CCDC192: variants seen among roughly 807,000 people sequenced by gnomAD.
CCDC192 encodes coiled-coil domain containing 192.
chr5:127,774,605 G>T (rs1374695406), intron 3 of CCDC192, among the ~76,000 whole-genome samples: 1 of 152,092 alleles, frequency 6.6e-6, no homozygotes, highest in Non-Finnish European at 1.5e-5. Context: ...CTATTTCAGT[G>T]GTCTATGTGT....
chr5:127,719,829 A>AGCG (rs375798829), intron 2 of CCDC192, among the ~76,000 whole-genome samples: 1 of 94,412 alleles, frequency 1.1e-5, no homozygotes, highest in Non-Finnish European at 2.1e-5. Context: ...GATCAGAGGA[A>AGCG]GGGGCGGGGG....
At chr5:127,764,176 T>C (rs1439735458) in intron 3 of CCDC192, among the ~76,000 whole-genome samples, 1 of 152,160 alleles carries the variant, frequency 6.6e-6, no homozygotes, top group Admixed American at 6.5e-5. Flanking sequence ...AGGAGGGCCA[T>C]TGAAGGAGGC....
intron 6 of CCDC192, among the ~76,000 whole-genome samples, chr5:127,938,799 G>A (rs1051853197): frequency 3.3e-5 from 5 of 152,178 alleles, no homozygotes; most frequent in Non-Finnish European, 7.3e-5. Flanking sequence ...GGTCACATGT[G>A]ACTAGTGACT....
chr5:127,755,700 A>G (rs1055538409), intron 3 of CCDC192, among the ~76,000 whole-genome samples: 2 of 151,062 alleles, frequency 1.3e-5, no homozygotes, highest in Non-Finnish European at 3.0e-5. Context: ...AAAAACTAAG[A>G]ATTTCAGAGT....
intron 1 of CCDC192, 147 bp downstream of exon 1, chr5:127,703,654 C>G (rs950265257): frequency 5.8e-5 from 22 of 381,696 alleles, no homozygotes; most frequent in African/African-American, 2.1e-5. Flanking sequence ...GAGAGTGACC[C>G]CTTTCTTTGA....
chr5:127,882,398 A>T (rs1752393749), intron 6 of CCDC192, among the ~76,000 whole-genome samples: 1 of 151,966 alleles, frequency 6.6e-6, no homozygotes, highest in Non-Finnish European at 1.5e-5. Context: ...CTCAGCTCAA[A>T]CCTCTCTCTT....
At chr5:127,848,348 T>C (rs1750653651) in intron 5 of CCDC192, among the ~76,000 whole-genome samples, 1 of 152,180 alleles carries the variant, frequency 6.6e-6, no homozygotes, top group Non-Finnish European at 1.5e-5. Flanking sequence ...ACTTGGAACT[T>C]CCTCCTTCCC....
chr5:127,912,371 G>T (rs2127178181), intron 6 of CCDC192, among the ~76,000 whole-genome samples: 1 of 121,908 alleles, frequency 8.2e-6, no homozygotes, highest in East Asian at 2.5e-4. Context: ...ACAATGGGTT[G>T]TATAGCTGTT....
At chr5:127,901,183 A>C (rs891480410) in intron 6 of CCDC192, among the ~76,000 whole-genome samples, 1 of 152,206 alleles carries the variant, frequency 6.6e-6, no homozygotes, top group Non-Finnish European at 1.5e-5. Flanking sequence ...CTTTTTATGA[A>C]GTTTATATGA....
intron 3 of CCDC192, among the ~76,000 whole-genome samples, chr5:127,767,185 T>C (rs1755274889): frequency 6.6e-6 from 1 of 151,724 alleles, no homozygotes; most frequent in African/African-American, 2.4e-5. Context: ...TTAGAGGGAG[T>C]GTTGTATCCT....
At chr5:127,816,025 A>G (rs1489642711) in intron 5 of CCDC192, among the ~76,000 whole-genome samples, 1 of 152,190 alleles carries the variant, frequency 6.6e-6, no homozygotes, top group Non-Finnish European at 1.5e-5. Context: ...TTCATCCATC[A>G]TTGGTTAGAT....
intron 3 of CCDC192, among the ~76,000 whole-genome samples, chr5:127,773,771 A>G (rs753637572): frequency 1.3e-4 from 20 of 152,148 alleles, no homozygotes; most frequent in Non-Finnish European, 2.6e-4. Context: ...TCTTTTTGGT[A>G]TATATGTACA....
At chr5:127,909,876 A>G (rs1247159930) in intron 6 of CCDC192, among the ~76,000 whole-genome samples, 1 of 152,206 alleles carries the variant, frequency 6.6e-6, no homozygotes, top group African/African-American at 2.4e-5. Context: ...CACAATCTCA[A>G]TTCATCTCTA....
At chr5:127,846,831 A>C (rs1354946565) in intron 5 of CCDC192, among the ~76,000 whole-genome samples, 2 of 149,088 alleles carry the variant, frequency 1.3e-5, no homozygotes, top group African/African-American at 4.9e-5. Flanking sequence ...AAAAAAAAAA[A>C]AAAAAAAAAA....
At chr5:127,733,535 C>A (rs888625616) in intron 2 of CCDC192, among the ~76,000 whole-genome samples, 1 of 152,066 alleles carries the variant, frequency 6.6e-6, no homozygotes, top group Non-Finnish European at 1.5e-5. Context: ...TTGAAATCAA[C>A]AGAACCCATA....
chr5:127,702,323 A>AT (rs1750740867), upstream of CCDC192, among the ~76,000 whole-genome samples: 1 of 152,180 alleles, frequency 6.6e-6, no homozygotes, highest in Non-Finnish European at 1.5e-5. Flanking sequence ...CTGATCCCCA[A>AT]CAGGCTGCTA....
At chr5:127,766,643 T>A in intron 3 of CCDC192, among the ~76,000 whole-genome samples, 1 of 141,740 alleles carries the variant, frequency 7.1e-6, no homozygotes, top group East Asian at 2.3e-4. Context: ...AAGTACGAAC[T>A]CTAAAGTTTC....
chr5:127,733,030 G>T (rs953182757), intron 2 of CCDC192, among the ~76,000 whole-genome samples: 4 of 152,066 alleles, frequency 2.6e-5, no homozygotes, highest in African/African-American at 9.7e-5. Flanking sequence ...TAAAAAAGAA[G>T]GTCAAGGAAG....
chr5:127,725,719 T>C (rs1752282096), intron 2 of CCDC192, among the ~76,000 whole-genome samples: 1 of 152,202 alleles, frequency 6.6e-6, no homozygotes, highest in Non-Finnish European at 1.5e-5. Context: ...TGTTTTCTGA[T>C]TTGTCTAAGA....
Sources: allele counts gnomAD v4.1 joint callset (sites outside exome capture counted in the v4.1 genomes callset), GRCh38; gene constraint gnomAD v4.1.1; transcripts MANE v1.5; gene names NCBI Gene and HGNC (gene_info 2026-07-23, HGNC 2026-07-21).